SP4: variants seen among roughly 807,000 people sequenced by gnomAD.
SP4 encodes the protein Sp4 transcription factor, also known as transcription factor Sp4.
A neutral mutation model predicts 72.8 loss-of-function variants in SP4; 19 were observed. The observed-to-expected ratio is 0.26, with a 90% CI of 0.18 to 0.38. The LOEUF (loss-of-function observed/expected upper bound fraction) is 0.38. SP4 is among the 10% of genes least tolerant of loss of function. SP4 has a pLI of 1.00. For synonymous variants in SP4, 395 were observed against 333.1 expected (o/e 1.19, Z -2.02); for missense variants, 1,008 against 926.3 (o/e 1.09, Z -1.14).
chr7:21,462,403 G>C (rs974851082), intron 3 of SP4, among the ~76,000 whole-genome samples: 10 of 152,168 alleles, frequency 6.6e-5, no homozygotes, highest in Admixed American at 2.0e-4. Flanking sequence ...TATGAATGGA[G>C]AGAGGAAAAA....
At chr7:21,509,930 A>G (rs1782099867) in intron 5 of SP4, among the ~76,000 whole-genome samples, 1 of 152,234 alleles carries the variant, frequency 6.6e-6, no homozygotes, top group East Asian at 1.9e-4. Context: ...CCTCACAATC[A>G]TGGTGGAGGG....
At chr7:21,484,333 A>C (rs1784760461) in intron 5 of SP4, among the ~76,000 whole-genome samples, 1 of 151,866 alleles carries the variant, frequency 6.6e-6, no homozygotes, top group Non-Finnish European at 1.5e-5. Flanking sequence ...AATATTTTTA[A>C]TAATTTTATG....
chr7:21,494,316 A>C (rs1414581278), intron 5 of SP4, among the ~76,000 whole-genome samples: 1 of 152,242 alleles, frequency 6.6e-6, no homozygotes, highest in Non-Finnish European at 1.5e-5. Context: ...CATAAAAGAC[A>C]TACAGATTCT....
At chr7:21,498,306 C>T (rs1346973156) in intron 5 of SP4, among the ~76,000 whole-genome samples, 2 of 152,156 alleles carry the variant, frequency 1.3e-5, no homozygotes, top group African/African-American at 4.8e-5. Context: ...TATGCAAATA[C>T]TGTATGCACC....
At chr7:21,503,643 TG>T (rs1162717941) in intron 5 of SP4, among the ~76,000 whole-genome samples, 6 of 152,234 alleles carry the variant, frequency 3.9e-5, no homozygotes, top group Admixed American at 3.9e-4. Context: ...TTCCCAGCAG[TG>T]GCTGTTGGAA....
At chr7:21,440,520 T>C (rs966181256) in intron 3 of SP4, among the ~76,000 whole-genome samples, 1 of 151,668 alleles carries the variant, frequency 6.6e-6, no homozygotes, top group Non-Finnish European at 1.5e-5. Flanking sequence ...AAGGGTGAGG[T>C]GAGGTGTATG....
At position 21,477,327 on chromosome 7, in the gene SP4, A is replaced by G. The variant is rs1479765601; in HGVS notation, c.1907+20A>G. ...AGGAAGGTAAATGCTGTATTTTTCAACTGTGTCTATTTGGAAGGCATAAAA... is the reference window on the plus strand; with the variant it reads ...AGGAAGGTAAATGCTGTATTTTTCAGCTGTGTCTATTTGGAAGGCATAAAA... On this transcript the variant is annotated intron_variant, in intron 4 of 5. Transcript: ENST00000222584. 3.9e-6 allele frequency: 6 copies of G among 1,540,512 alleles called. No individual in the cohort carries two copies. Among genetic ancestry groups the G allele is most frequent in the Non-Finnish European group, 4.5e-6 (5 of 1,117,438 alleles).
intron 3 of SP4, among the ~76,000 whole-genome samples, chr7:21,461,850 A>C (rs2128402533): frequency 6.6e-6 from 1 of 152,260 alleles, no homozygotes; most frequent in African/African-American, 2.4e-5. Flanking sequence ...AGACCTTTAA[A>C]GTTCTAGTGG....
At position 21,463,325 on chromosome 7, in the gene SP4, A is replaced by G. The variant is rs543633982; in HGVS notation, c.1679-13754A>G. Among the ~76,000 whole-genome samples, 36 of 152,318 alleles carry G rather than the reference A, an allele frequency of 2.4e-4. No homozygotes were observed. In the South Asian group the frequency reaches 7.0e-3, roughly 30 times the overall value. ...AAATTGGAACAGCCAATGAAGGGCT[A>G]TGTACATTGCCAGCATAGGATGAAT... On this transcript the variant is annotated intron_variant, in intron 3 of 5. Transcript: ENST00000222584.
intron 4 of SP4, among the ~76,000 whole-genome samples, chr7:21,477,909 G>C (rs1267544587): frequency 6.6e-6 from 1 of 152,092 alleles, no homozygotes; most frequent in Non-Finnish European, 1.5e-5. Flanking sequence ...ACACCATACA[G>C]TTCACGAATT....
At chr7:21,444,425 G>A (rs1229758884) in intron 3 of SP4, among the ~76,000 whole-genome samples, 1 of 152,182 alleles carries the variant, frequency 6.6e-6, no homozygotes, top group Non-Finnish European at 1.5e-5. Flanking sequence ...AGAATACACT[G>A]TAAGGTAAGT....
intron 3 of SP4, among the ~76,000 whole-genome samples, chr7:21,467,782 G>GA (rs1335663588): frequency 3.9e-5 from 6 of 152,064 alleles, no homozygotes; most frequent in Admixed American, 6.5e-5. Flanking sequence ...ATTCAGAACA[G>GA]AAAAAATCCC....
At chr7:21,438,357 T>C (rs898464489) in intron 3 of SP4, among the ~76,000 whole-genome samples, 19 of 152,296 alleles carry the variant, frequency 1.2e-4, no homozygotes, top group African/African-American at 4.6e-4. Flanking sequence ...ATTAAGTCTT[T>C]AGGGATTTTT....
chr7:21,461,583 C>T (rs1014218872), intron 3 of SP4, among the ~76,000 whole-genome samples: 1 of 152,192 alleles, frequency 6.6e-6, no homozygotes, highest in African/African-American at 2.4e-5. Context: ...TCTAGCTGGC[C>T]TGCAAACACC....
intron 5 of SP4, among the ~76,000 whole-genome samples, chr7:21,492,718 A>G (rs1269422686): frequency 2.0e-5 from 3 of 152,244 alleles, no homozygotes; most frequent in Admixed American, 2.0e-4. Flanking sequence ...ATACTAATCC[A>G]AAGGGAGATA....
intron 3 of SP4, among the ~76,000 whole-genome samples, chr7:21,454,807 A>C (rs1174724675): frequency 6.6e-6 from 1 of 152,186 alleles, no homozygotes; most frequent in Non-Finnish European, 1.5e-5. Context: ...GCTATTAGAC[A>C]GATGAATTCA....
intron 3 of SP4, among the ~76,000 whole-genome samples, chr7:21,454,991 A>T (rs992074427): frequency 6.6e-6 from 1 of 152,336 alleles, no homozygotes; most frequent in East Asian, 1.9e-4. Flanking sequence ...AGGGAAATTT[A>T]TAATTTTTAC....
chr7:21,482,599 T>C (rs1410780850), intron 5 of SP4: 61 of 961,502 alleles, frequency 6.3e-5, no homozygotes, highest in Non-Finnish European at 7.5e-5. Context: ...TTCTGCTTTT[T>C]TTCAAATACA....
intron 5 of SP4, among the ~76,000 whole-genome samples, chr7:21,503,435 G>A (rs1781918546): frequency 6.6e-6 from 1 of 152,184 alleles, no homozygotes; most frequent in Non-Finnish European, 1.5e-5. Context: ...TTGGTGATAT[G>A]CTTTGTGAGA....
Sources: allele counts gnomAD v4.1 joint callset (sites outside exome capture counted in the v4.1 genomes callset), GRCh38; gene constraint gnomAD v4.1.1; transcripts MANE v1.5; gene names NCBI Gene and HGNC (gene_info 2026-07-23, HGNC 2026-07-21).